Variants in UGT1A3 observed in about 807,000 individuals in gnomAD.
The protein encoded by UGT1A3 is UDP-glucuronosyltransferase 1A3.
A neutral mutation model predicts 41.0 loss-of-function variants in UGT1A3; 31 were observed. The ratio of observed to expected loss-of-function variants is 0.76; its 90% confidence interval spans 0.57 to 1.02. The LOEUF is 1.02. Among genes scored for constraint, UGT1A3 ranks in the 50% least tolerant of loss-of-function variants. The pLI is 0.00. For missense variants in UGT1A3, 737 were observed against 671.0 expected (o/e 1.10, Z -1.09); for synonymous variants, 262 against 257.6 (o/e 1.02, Z -0.17).
chr2:233,739,902 C>T (rs1181002925), intron 1 of UGT1A3, among the ~76,000 whole-genome samples: 2 of 151,866 alleles, frequency 1.3e-5, no homozygotes, highest in Non-Finnish European at 2.9e-5. Context: ...AATCTCATCT[C>T]ATATTGTAAT....
intron 3 of UGT1A3, 94 bp from the exon 4 acceptor site, chr2:233,768,126 C>T: frequency 6.2e-7 from 1 of 1,604,728 alleles, no homozygotes; most frequent in Non-Finnish European, 8.5e-7. Flanking sequence ...ATGTGAGTAA[C>T]ACTGAGTCTT....
At chr2:233,748,890 T>C (rs1434847115) in intron 1 of UGT1A3, among the ~76,000 whole-genome samples, 1 of 151,534 alleles carries the variant, frequency 6.6e-6, no homozygotes, top group African/African-American at 2.4e-5. Flanking sequence ...TGGACATGTG[T>C]CCAAGAAGGG....
At chr2:233,751,090 G>C (rs1035981747) in intron 1 of UGT1A3, among the ~76,000 whole-genome samples, 2 of 151,962 alleles carry the variant, frequency 1.3e-5, no homozygotes, top group African/African-American at 2.4e-5. Context: ...GCAGCCAGGA[G>C]GAGGGCTTTG....
chr2:233,769,849 C>A lies in UGT1A3; in HGVS notation c.1307+1410C>A, dbSNP rs1159124687. ...CAGCAACCTGGGCAACAGAGTGAGA[C>A]CCTGTCTCAAAAAAAAAAAAAAAAA... On this transcript the variant is annotated intron_variant, in intron 4 of 4. Transcript: ENST00000482026. The surrounding 1 kb of genome is among the most constrained non-coding windows in gnomAD (Gnocchi z 4.4). 1 of 524,548 alleles carries A rather than the reference C, an allele frequency of 1.9e-6. No homozygotes were observed. The highest frequency in any genetic ancestry group is 3.0e-6 in the Non-Finnish European group (1 of 331,924). The allele number at this position is 524,548 out of a possible 1,614,324, so 32.5% of individuals were successfully genotyped here.
At chr2:233,730,495 C>G (rs755045545) in intron 1 of UGT1A3, among the ~76,000 whole-genome samples, 1 of 152,092 alleles carries the variant, frequency 6.6e-6, no homozygotes, top group African/African-American at 2.4e-5. Context: ...ATAGAAGTGT[C>G]AGAGAGGTTG....
At chr2:233,744,074 G>C in intron 1 of UGT1A3, 1 of 470,704 alleles carries the variant, frequency 2.1e-6, no homozygotes, top group Non-Finnish European at 3.5e-6. Context: ...TGAGCGCCTC[G>C]CATCCCAAGA....
intron 1 of UGT1A3, among the ~76,000 whole-genome samples, chr2:233,730,937 T>C (rs2125759444): frequency 6.6e-6 from 1 of 152,268 alleles, no homozygotes; most frequent in Admixed American, 6.5e-5. Flanking sequence ...TAATCCAGAA[T>C]ATTTGGGTTT....
chr2:233,738,951 T>G (rs1690944687), intron 1 of UGT1A3: 1 of 152,230 alleles, frequency 6.6e-6, no homozygotes, highest in Non-Finnish European at 1.5e-5. Context: ...TGTTTTAGGC[T>G]GGGTCCAGGC....
At chr2:233,742,766 G>T (rs1363291568) in intron 1 of UGT1A3, 4 of 152,980 alleles carry the variant, frequency 2.6e-5, no homozygotes, top group African/African-American at 9.7e-5. Context: ...GATAATAAAT[G>T]CATGTTGTTT....
chr2:233,732,704 T>C (rs2078302376), intron 1 of UGT1A3, among the ~76,000 whole-genome samples: 1 of 152,126 alleles, frequency 6.6e-6, no homozygotes. Flanking sequence ...GTTTTGTTAC[T>C]GTAGCCTTGT....
At chr2:233,765,606 C>G (rs4663971) in intron 1 of UGT1A3, among the ~76,000 whole-genome samples, 75,263 of 151,312 alleles carry the variant, frequency 0.5, 19,319 homozygotes, top group African/African-American at 0.62. Context: ...GGGCTTGTGG[C>G]GGGGTGAGGG....
intron 4 of UGT1A3, chr2:233,770,280 A>G (rs889485504): frequency 6.6e-6 from 1 of 152,192 alleles, no homozygotes; most frequent in Non-Finnish European, 1.5e-5. Context: ...CACAAAATAA[A>G]AAGAAGTGGA....
intron 1 of UGT1A3, chr2:233,756,004 CTATT>C (rs1422603012): frequency 6.6e-6 from 1 of 152,210 alleles, no homozygotes; most frequent in Non-Finnish European, 1.5e-5. Flanking sequence ...TGCATTCTAT[CTATT>C]GTGATATTAC....
rs879204025 is a variant in UGT1A3, at chr2:233,769,857, C to CAA, written c.1307+1434_1307+1435dup. On this transcript the variant is annotated intron_variant, in intron 4 of 4. Transcript: ENST00000482026. This position sits in a 1 kb window ranked among gnomAD's most constrained non-coding sequence, Gnocchi z 4.4. The stretch of plus-strand genomic sequence containing the variant: ...TGGGCAACAGAGTGAGACCCTGTCT[C>CAA]AAAAAAAAAAAAAAAAATGAAAAGT... The CAA allele has an allele frequency of 9.9e-3, 2,209 of 224,054 alleles. 3 individuals are homozygous for CAA. The highest frequency in any genetic ancestry group is 0.012 in the South Asian group (106 of 9,094). The allele number at this position is 224,054 out of a possible 1,614,324, so 13.9% of individuals were successfully genotyped here.
chr2:233,757,558 A>ATG lies in UGT1A3; in HGVS notation c.868-9475_868-9474insGT, dbSNP rs896198958. On this transcript the variant is annotated intron_variant, in intron 1 of 4. Coordinates refer to ENST00000482026, the MANE Select transcript of UGT1A3 (RefSeq NM_019093.4). ...GGAATATATATATATATATATATAT[A>ATG]TATGTATATATGATATAGCTATAGT... is the stretch of plus-strand genomic sequence containing the variant. Among the ~76,000 whole-genome samples, 13 of 124,446 alleles carry ATG rather than the reference A, an allele frequency of 1.0e-4. 1 individual carries two copies. The highest frequency in any genetic ancestry group is 1.7e-4 in the Non-Finnish European group (10 of 60,604). 81.6% of individuals were successfully genotyped at this position (124,446 alleles called of 152,430 possible).
intron 1 of UGT1A3, chr2:233,761,099 A>G: frequency 5.0e-6 from 8 of 1,614,170 alleles, no homozygotes; most frequent in African/African-American, 1.3e-5. Context: ...ATCATGCCCA[A>G]TATGGTTTTT....
intron 4 of UGT1A3, 143 bp downstream of exon 4, chr2:233,768,582 CTTTTTT>C (rs139595073): frequency 4.6e-4 from 479 of 1,031,596 alleles, no homozygotes; most frequent in East Asian, 1.4e-3. Context: ...TTTATTTCTT[CTTTTTT>C]TTTTTTTTTT....
At chr2:233,747,184 G>A in intron 1 of UGT1A3, 1 of 1,602,858 alleles carries the variant, frequency 6.2e-7, no homozygotes, top group Non-Finnish European at 8.5e-7. Flanking sequence ...GCGTGGGGTG[G>A]ACAGTCAGCT....
At chr2:233,757,267 A>G (rs1696460945) in intron 1 of UGT1A3, among the ~76,000 whole-genome samples, 1 of 121,202 alleles carries the variant, frequency 8.3e-6, no homozygotes, top group Admixed American at 1.0e-4. Flanking sequence ...GTGGCAGCCG[A>G]TGCAATGATT....
Sources: gnomAD v4.1 joint callset for allele counts (sites outside exome capture counted in the v4.1 genomes callset) on GRCh38, gnomAD v4.1.1 for gene constraint, Gnocchi (gnomAD v3.1) non-coding constraint, MANE v1.5 for transcripts, NCBI Gene and HGNC (gene_info 2026-07-23, HGNC 2026-07-21) for gene names.